Variants in HACD2 observed in about 807,000 individuals in gnomAD.
The protein encoded by HACD2 is 3-hydroxyacyl-CoA dehydratase 2.
Under a neutral mutation model 31.0 loss-of-function variants are expected in HACD2, and 15 were observed. The ratio of observed to expected loss-of-function variants is 0.48; its 90% CI spans 0.32 to 0.75. The LOEUF is 0.75. Among genes scored for constraint, HACD2 ranks in the 30% least tolerant of loss-of-function variants. The pLI is 0.03. For synonymous variants in HACD2, 115 were observed against 122.2 expected (o/e 0.94, Z 0.39); for missense variants, 283 against 313.0 (o/e 0.90, Z 0.72).
At chr3:123,562,069 C>T (rs2056735371) in intron 3 of HACD2, among the ~76,000 whole-genome samples, 1 of 152,190 alleles carries the variant, frequency 6.6e-6, no homozygotes. Flanking sequence ...GCCTTGGCCT[C>T]CCAAAGTACT....
At chr3:123,580,174 A>G (rs11416090) in intron 2 of HACD2, among the ~76,000 whole-genome samples, 15,652 of 151,880 alleles carry the variant, frequency 0.1, 1,797 homozygotes, top group East Asian at 0.35. Flanking sequence ...GTCAAAAAAA[A>G]AAAAGAAAAA....
intron 2 of HACD2, among the ~76,000 whole-genome samples, chr3:123,577,650 T>A (rs1167108327): frequency 2.0e-5 from 3 of 151,822 alleles, no homozygotes; most frequent in African/African-American, 7.3e-5. Flanking sequence ...AAAGTGTCTT[T>A]GCTATAATTA....
Position 123,548,826 on chromosome 3 carries a change from T to C in HACD2, c.292+18936A>G, listed in dbSNP as rs191319770. On this transcript the variant is annotated intron_variant, in intron 3 of 6. Transcript: ENST00000383657. Reference sequence around the variant, plus strand: ...TTTTTGTATATATAGGGCCTCACTATATTGCCCAGGCTGGTCTTGAACTCC... The same window carrying C: ...TTTTTGTATATATAGGGCCTCACTACATTGCCCAGGCTGGTCTTGAACTCC... Among the ~76,000 whole-genome samples, 25 of 152,062 alleles carry C rather than the reference T, an allele frequency of 1.6e-4. No homozygotes were observed. The East Asian group carries it at 4.8e-3, about 29-fold the overall frequency.
At position 123,492,531 on chromosome 3, in the gene HACD2, C is replaced by T. The variant is rs2055776560; in HGVS notation, c.*2357G>A. ...ACAGTGACATGCCTTACTTATCTGC[C>T]ATAAGTATTCTAAATGTTGATGTAC... On this transcript the variant is annotated 3_prime_UTR_variant, in exon 7 of 7. Transcript: ENST00000383657. 1 of 152,116 alleles carries T rather than the reference C, an allele frequency of 6.6e-6. No homozygotes were observed. The highest frequency in any genetic ancestry group is 2.4e-5 in the African/African-American group (1 of 41,402). The allele number at this position is 152,116 out of a possible 1,614,324, so 9.4% of individuals were successfully genotyped here. A position where few individuals can be genotyped will look rare whatever the true frequency, so the allele number is the denominator to read the frequency against.
chr3:123,576,002 G>T (rs2056903918), intron 2 of HACD2, among the ~76,000 whole-genome samples: 1 of 152,082 alleles, frequency 6.6e-6, no homozygotes, highest in African/African-American at 2.4e-5. Context: ...CTTTTTGAAA[G>T]CTTATACAAC....
intron 3 of HACD2, among the ~76,000 whole-genome samples, chr3:123,537,211 A>T (rs2056436892): frequency 6.6e-6 from 1 of 152,224 alleles, no homozygotes; most frequent in Admixed American, 6.5e-5. Flanking sequence ...GAGTTAAGAG[A>T]TGTTATGTAA....
intron 3 of HACD2, among the ~76,000 whole-genome samples, chr3:123,549,028 CA>C (rs2056590646): frequency 6.6e-6 from 1 of 150,534 alleles, no homozygotes. Flanking sequence ...CCATTTTGAC[CA>C]TTGCAGAAGG....
chr3:123,525,658 A>G (rs1277631553), intron 4 of HACD2, among the ~76,000 whole-genome samples: 1 of 152,230 alleles, frequency 6.6e-6, no homozygotes, highest in Non-Finnish European at 1.5e-5. Context: ...GGGGTGGAGC[A>G]GGAGTCCAAA....
At chr3:123,568,746 T>C (rs1226351977) in intron 2 of HACD2, among the ~76,000 whole-genome samples, 1 of 152,224 alleles carries the variant, frequency 6.6e-6, no homozygotes, top group African/African-American at 2.4e-5. Flanking sequence ...CTAGGTGATA[T>C]AACCTAACAG....
rs148320052 is a variant in HACD2, at chr3:123,507,335, A to G, written c.382-4654T>C. Reference sequence around the variant, plus strand: ...TTCATAGAGTATTAGTCATAACTGAAAAGTGAAAACAACCCAAATATCCAT... The same window carrying G: ...TTCATAGAGTATTAGTCATAACTGAGAAGTGAAAACAACCCAAATATCCAT... On this transcript the variant is annotated intron_variant, in intron 4 of 6. Transcript: ENST00000383657. 1.8e-3 allele frequency among the ~76,000 whole-genome samples: 276 copies of G among 152,342 alleles called. 2 individuals carry two copies. The highest frequency in any genetic ancestry group is 6.5e-3 in the African/African-American group (269 of 41,574).
At chr3:123,555,921 A>G (rs1459935934) in intron 3 of HACD2, among the ~76,000 whole-genome samples, 1 of 152,244 alleles carries the variant, frequency 6.6e-6, no homozygotes. Flanking sequence ...ATCTTTGACA[A>G]TGGCATAAAG....
intron 3 of HACD2, among the ~76,000 whole-genome samples, chr3:123,536,152 G>A (rs1200742505): frequency 6.6e-6 from 1 of 152,038 alleles, no homozygotes; most frequent in African/African-American, 2.4e-5. Flanking sequence ...ATATCAATAT[G>A]TAAATTTTAA....
At position 123,584,999 on chromosome 3, in the gene HACD2, G is replaced by A. The variant is rs966188875; in HGVS notation, c.29C>T (p.Ala10Val). The A allele has an allele frequency of 8.6e-6, 13 of 1,513,356 alleles. No individual in the cohort carries two copies. Among genetic ancestry groups the A allele is most frequent in the African/African-American group, 1.4e-5 (1 of 69,362 alleles). 93.7% of individuals were successfully genotyped at this position (1,513,356 alleles called of 1,614,324 possible). A position where few individuals can be genotyped will look rare whatever the true frequency, so the allele number is the denominator to read the frequency against. MAAVAATAAAKGNGGGGGRA... is the reference protein window; with the variant it reads MAAVAATAAVKGNGGGGGRA... The stretch of plus-strand genomic sequence containing the variant: ...GCCACCGCCGCCCCCATTCCCCTTC[G>A]CTGCTGCAGTCGCCGCCACTGCCGC... The change falls in exon 1 of 7, where the codon GCG becomes GTG. Residue 10 changes from alanine to valine, a missense_variant. Around this residue, in one of 3 missense-constraint regions of HACD2, gnomAD observed 158 missense variants for 148.3 expected, o/e 1.07. Coordinates refer to ENST00000383657, the MANE Select transcript of HACD2 (RefSeq NM_198402.5).
At chr3:123,549,264 T>C (rs2107729331) in intron 3 of HACD2, among the ~76,000 whole-genome samples, 1 of 152,132 alleles carries the variant, frequency 6.6e-6, no homozygotes, top group East Asian at 1.9e-4. Flanking sequence ...TAATCTGCCA[T>C]TATTTATAGA....
chr3:123,567,387 T>G (rs2056803324), intron 3 of HACD2, among the ~76,000 whole-genome samples: 1 of 152,178 alleles, frequency 6.6e-6, no homozygotes, highest in African/African-American at 2.4e-5. Flanking sequence ...ATTTGAAAGA[T>G]AAGGAGAGAG....
intron 2 of HACD2, among the ~76,000 whole-genome samples, chr3:123,580,989 T>C (rs1016701698): frequency 1.3e-5 from 2 of 151,740 alleles, no homozygotes; most frequent in African/African-American, 4.8e-5. Flanking sequence ...ACCCGGCTAA[T>C]TTTTGTATTT....
At chr3:123,530,395 G>A (rs180925453) in intron 3 of HACD2, among the ~76,000 whole-genome samples, 6 of 151,428 alleles carry the variant, frequency 4.0e-5, no homozygotes, top group African/African-American at 9.7e-5. Flanking sequence ...GGGACCACAC[G>A]GTGTGCCAGG....
chr3:123,540,947 T>C (rs1052389186), intron 3 of HACD2, among the ~76,000 whole-genome samples: 1 of 152,210 alleles, frequency 6.6e-6, no homozygotes, highest in African/African-American at 2.4e-5. Flanking sequence ...AATATACTTT[T>C]GAAAACTTTT....
intron 1 of HACD2, 187 bp downstream of exon 1, chr3:123,584,686 G>A (rs1429974966): frequency 4.8e-6 from 2 of 420,378 alleles, no homozygotes; most frequent in Non-Finnish European, 4.1e-6. Context: ...GAGGGAGCTC[G>A]CGGGCAGCCA....
Sources: gnomAD v4.1 joint callset for allele counts (sites outside exome capture counted in the v4.1 genomes callset) on GRCh38, gnomAD v4.1.1 for gene constraint, gnomAD v4.1.1 regional missense constraint, MANE v1.5 for transcripts, NCBI Gene and HGNC (gene_info 2026-07-23, HGNC 2026-07-21) for gene names.